The following PRKAR1A variants were observed in gnomAD, a reference collection of about 807,000 sequenced individuals.
The protein encoded by PRKAR1A is cAMP-dependent protein kinase type I-alpha regulatory subunit.
A neutral mutation model predicts 52.0 loss-of-function variants in PRKAR1A; 3 were observed. The observed-to-expected ratio is 0.06, with a 90% CI of 0.03 to 0.15. The LOEUF (loss-of-function observed/expected upper bound fraction) is 0.15. Among genes scored for constraint, PRKAR1A ranks in the 10% least tolerant of loss-of-function variants. The probability of loss-of-function intolerance (pLI) is 1.00; values close to 1 mark genes in which losing one functional copy is unlikely to be tolerated. For synonymous variants in PRKAR1A, 188 were observed against 168.4 expected (o/e 1.12, Z -0.90); for missense variants, 240 against 477.4 (o/e 0.50, Z 4.63).
the PRKAR1A span, among the ~76,000 whole-genome samples, chr17:68,462,520 G>T: frequency 3.3e-5 from 5 of 152,266 alleles, no homozygotes; most frequent in African/African-American, 1.2e-4. Context: ...AGCTTGGTTT[G>T]GAGCGTCATA....
the PRKAR1A span, among the ~76,000 whole-genome samples, chr17:68,437,893 T>C: frequency 8.2e-6 from 1 of 122,668 alleles, no homozygotes. Flanking sequence ...AGCAATTCCA[T>C]AGAAACCAAA....
At chr17:68,441,144 T>C in the PRKAR1A span, 1 of 152,300 alleles carries the variant, frequency 6.6e-6, no homozygotes, top group African/African-American at 2.4e-5. Context: ...AGGACTTTCA[T>C]GGAGATTTCC....
At chr17:68,505,988 A>G in the PRKAR1A span, among the ~76,000 whole-genome samples, 1 of 152,342 alleles carries the variant, frequency 6.6e-6, no homozygotes, top group East Asian at 1.9e-4. Flanking sequence ...GCTAAAACCA[A>G]AAGTCTATTA....
chr17:68,483,729 C>T, the PRKAR1A span, among the ~76,000 whole-genome samples: 77 of 152,020 alleles, frequency 5.1e-4, 1 homozygote, highest in African/African-American at 2.2e-4. Flanking sequence ...GGTGTGGTGG[C>T]GCATGCCTGT....
chr17:68,445,709 G>T, the PRKAR1A span, among the ~76,000 whole-genome samples: 5 of 152,242 alleles, frequency 3.3e-5, no homozygotes, highest in Non-Finnish European at 7.3e-5. Flanking sequence ...GTGTTTAAAG[G>T]AATATAACGC....
At chr17:68,504,431 C>G in the PRKAR1A span, among the ~76,000 whole-genome samples, 4 of 152,314 alleles carry the variant, frequency 2.6e-5, no homozygotes, top group South Asian at 8.3e-4. Flanking sequence ...CGTGCCACTG[C>G]ACTCCAGCCT....
the PRKAR1A span, among the ~76,000 whole-genome samples, chr17:68,473,370 C>T: frequency 6.6e-6 from 1 of 152,120 alleles, no homozygotes; most frequent in African/African-American, 2.4e-5. Context: ...AGTGAGACCT[C>T]AACGCTCCAG....
At chr17:68,460,500 G>GGTC in the PRKAR1A span, among the ~76,000 whole-genome samples, 2 of 152,138 alleles carry the variant, frequency 1.3e-5, no homozygotes, top group African/African-American at 4.8e-5. Context: ...GGAGAAAAAT[G>GGTC]GTCACCTTCC....
the PRKAR1A span, among the ~76,000 whole-genome samples, chr17:68,473,901 A>T: frequency 6.6e-6 from 1 of 152,200 alleles, no homozygotes; most frequent in Non-Finnish European, 1.5e-5. Flanking sequence ...GTCTCTTCTC[A>T]TTCCCTAAAA....
the PRKAR1A span, among the ~76,000 whole-genome samples, chr17:68,492,900 T>C: frequency 6.6e-6 from 1 of 152,226 alleles, no homozygotes; most frequent in Non-Finnish European, 1.5e-5. Flanking sequence ...ATTTTCTTTA[T>C]CCAGTCTGTC....
At chr17:68,508,531 G>C (rs151130916), upstream of PRKAR1A, among the ~76,000 whole-genome samples, 585 of 152,254 alleles carry the variant, frequency 3.8e-3, 3 homozygotes, top group African/African-American at 0.013. Context: ...CTACTAGAAG[G>C]GGGAGTCGGG....
chr17:68,544,146 G>A (rs1273687396), intron 11 of PRKAR1A, among the ~76,000 whole-genome samples: 1 of 152,174 alleles, frequency 6.6e-6, no homozygotes, highest in East Asian at 1.9e-4. Flanking sequence ...CCAGGAATTG[G>A]TAATGGAAAA....
chr17:68,534,972 T>C, downstream of PRKAR1A: 1 of 289,948 alleles, frequency 3.4e-6, no homozygotes, highest in Non-Finnish European at 6.7e-6. Flanking sequence ...CGTAAGAGAA[T>C]GACTAATTTT....
chr17:68,474,533 G>C, the PRKAR1A span, among the ~76,000 whole-genome samples: 2 of 152,272 alleles, frequency 1.3e-5, no homozygotes, highest in East Asian at 1.9e-4. Flanking sequence ...GGCTGATCCC[G>C]TGACGAGTGG....
the PRKAR1A span, chr17:68,434,573 GAA>G: frequency 3.1e-6 from 5 of 1,613,886 alleles, no homozygotes; most frequent in Admixed American, 6.7e-5. Flanking sequence ...TCCCTCTCCG[GAA>G]CTCATAGAGC....
chr17:68,433,398 A>C, the PRKAR1A span: 10 of 1,329,694 alleles, frequency 7.5e-6, no homozygotes, highest in Admixed American at 1.7e-4. Flanking sequence ...GAGATCATTC[A>C]TGCCAGTAGA....
chr17:68,446,460 G>T, the PRKAR1A span, among the ~76,000 whole-genome samples: 1 of 152,124 alleles, frequency 6.6e-6, no homozygotes, highest in East Asian at 1.9e-4. Flanking sequence ...GGGATTACAA[G>T]CATGAGCTAC....
At chr17:68,480,500 GT>G in the PRKAR1A span, among the ~76,000 whole-genome samples, 1 of 152,166 alleles carries the variant, frequency 6.6e-6, no homozygotes, top group African/African-American at 2.4e-5. Context: ...AGGCTAGGGG[GT>G]TTAGTTTCTC....
At chr17:68,434,572 G>A in the PRKAR1A span, 6 of 1,613,948 alleles carry the variant, frequency 3.7e-6, 1 homozygote, top group East Asian at 2.2e-5. Flanking sequence ...ATCCCTCTCC[G>A]GAACTCATAG....
Sources: allele counts gnomAD v4.1 joint callset (sites outside exome capture counted in the v4.1 genomes callset), GRCh38; gene constraint gnomAD v4.1.1; transcripts MANE v1.5; gene names NCBI Gene and HGNC (gene_info 2026-07-23, HGNC 2026-07-21).